Variants in SGPL1 observed in about 807,000 individuals in gnomAD.
SGPL1 encodes sphingosine-1-phosphate lyase 1.
A neutral mutation model predicts 68.9 loss-of-function variants in SGPL1; 37 were observed. The observed-to-expected ratio is 0.54, with a 90% CI of 0.41 to 0.71. The LOEUF is 0.71. Ranked by LOEUF, SGPL1 falls within the 30% of genes least tolerant of loss-of-function variation. SGPL1 has a pLI of 0.00. For synonymous variants in SGPL1, 236 were observed against 248.5 expected (o/e 0.95, Z 0.47); for missense variants, 551 against 704.6 (o/e 0.78, Z 2.47).
chr10:70,852,014 C>T (rs1191719175), intron 4 of SGPL1, among the ~76,000 whole-genome samples: 1 of 152,132 alleles, frequency 6.6e-6, no homozygotes, highest in Admixed American at 6.5e-5. Flanking sequence ...CACCTCTGTG[C>T]GTCTCCCACA....
At chr10:70,851,025 A>G in intron 3 of SGPL1, 118 bp from the exon 4 acceptor site, 1 of 766,456 alleles carries the variant, frequency 1.3e-6, no homozygotes, top group South Asian at 1.7e-5. Context: ...TTTTTAAACG[A>G]AAGAAACTCT....
In SGPL1 at chr10:70,844,546, G is replaced by A; in HGVS notation, c.101G>A (p.Cys34Tyr). The A allele has an allele frequency of 1.2e-6, 2 of 1,614,082 alleles. No individual in the cohort carries two copies. The highest frequency in any genetic ancestry group is 1.7e-6 in the Non-Finnish European group (2 of 1,179,966). ...GCCAAGAATTATGTAAATGGACATTGCACCAAGTATGAGCCCTGGCAGCTA... is the reference window on the plus strand; with the variant it reads ...GCCAAGAATTATGTAAATGGACATTACACCAAGTATGAGCCCTGGCAGCTA... ...TKAKNYVNGH[C>Y]TKYEPWQLIA... The change falls in exon 3 of 15, where the codon TGC becomes TAC. Residue 34 changes from cysteine to tyrosine, a missense_variant. Transcript: ENST00000373202.
At chr10:70,825,917 C>T (rs1385666077) in intron 2 of SGPL1, among the ~76,000 whole-genome samples, 1 of 152,184 alleles carries the variant, frequency 6.6e-6, no homozygotes, top group Non-Finnish European at 1.5e-5. Flanking sequence ...CGCGGTGGCT[C>T]ACGCCTGTAA....
Position 70,844,730 on chromosome 10 carries a change from G to A in SGPL1, c.193+92G>A, listed in dbSNP as rs114988069. On this transcript the variant is annotated intron_variant, in intron 3 of 14. Coordinates refer to ENST00000373202, the MANE Select transcript of SGPL1 (RefSeq NM_003901.4). ...GATAGGACTAATTTATTGCCTTTTGGTTGTTTTTTTGTTTGTTTGTTTGTT... is the reference window on the plus strand; with the variant it reads ...GATAGGACTAATTTATTGCCTTTTGATTGTTTTTTTGTTTGTTTGTTTGTT... The A allele has an allele frequency of 6.1e-3, 7,672 of 1,267,818 alleles. 183 individuals carry two copies. Among genetic ancestry groups the A allele is most frequent in the African/African-American group, 0.056 (3,755 of 67,152 alleles). 78.5% of individuals were successfully genotyped at this position (1,267,818 alleles called of 1,614,324 possible). A position where few individuals can be genotyped will look rare whatever the true frequency, so the allele number is the denominator to read the frequency against.
intron 11 of SGPL1, among the ~76,000 whole-genome samples, chr10:70,872,771 G>A (rs867935972): frequency 6.6e-6 from 1 of 152,234 alleles, no homozygotes; most frequent in Middle Eastern, 3.4e-3. Context: ...GATGGTTCAG[G>A]TAATGAAATT....
intron 7 of SGPL1, 180 bp downstream of exon 7, chr10:70,859,679 G>T: frequency 5.0e-6 from 1 of 198,540 alleles, no homozygotes. Flanking sequence ...GATCATTGTA[G>T]AAAGATCCTA....
chr10:70,869,279 T>C (rs1441608530), intron 8 of SGPL1: 1 of 152,394 alleles, frequency 6.6e-6, no homozygotes, highest in African/African-American at 2.4e-5. Context: ...TTTCCAAATG[T>C]GTAGGAGAAA....
intron 2 of SGPL1, among the ~76,000 whole-genome samples, chr10:70,843,774 C>T (rs1485612107): frequency 6.6e-6 from 1 of 152,168 alleles, no homozygotes; most frequent in Non-Finnish European, 1.5e-5. Flanking sequence ...AAATTGTGGC[C>T]TGCAAGCCAA....
intron 7 of SGPL1, among the ~76,000 whole-genome samples, chr10:70,862,987 TTTA>T (rs1299628061): frequency 6.6e-6 from 1 of 152,112 alleles, no homozygotes; most frequent in Non-Finnish European, 1.5e-5. Flanking sequence ...CTCCTTTTAT[TTTA>T]TTATTATTTT....
In SGPL1 at chr10:70,875,525, G is replaced by C. The variant is rs151062610; in HGVS notation, c.1422G>C (p.Leu474Phe). 450 of 1,611,408 alleles carry C rather than the reference G, an allele frequency of 2.8e-4. 1 individual carries two copies. The highest frequency in any genetic ancestry group is 3.7e-4 in the Non-Finnish European group (439 of 1,178,674). The change falls in exon 13 of 15, where the codon TTG (leucine) becomes TTC (phenylalanine). Residue 474 changes from leucine (L) to phenylalanine (F), a missense_variant. Leu to Phe is a conservative substitution (Grantham distance 22). Transcript: ENST00000373202. ...TGATGACTGCTAAGGGGTGGAACTT[G>C]AACCAGTTGCAGTTCCCACCCAGGT... ...SNLMTAKGWN[L>F]NQLQFPPSIH... is the part of the protein sequence containing the mutation.
intron 2 of SGPL1, among the ~76,000 whole-genome samples, chr10:70,840,706 A>C (rs1481502059): frequency 6.6e-6 from 1 of 152,208 alleles, no homozygotes; most frequent in African/African-American, 2.4e-5. Context: ...ACCTCCTTTG[A>C]ATTTAAGAAT....
Position 70,816,533 on chromosome 10 carries a change from G to C in SGPL1, c.-43-278G>C, listed in dbSNP as rs1308953813. 2.0e-5 allele frequency among the ~76,000 whole-genome samples: 3 copies of C among 152,186 alleles called. No individual in the cohort carries two copies. The East Asian group carries it at 5.8e-4, about 29-fold the overall frequency. ...GGGCTGGGCTCCCCACCCCGATCGCGCGCAGACGGGGCGTTTCCCCTAGTT... is the reference window on the plus strand; with the variant it reads ...GGGCTGGGCTCCCCACCCCGATCGCCCGCAGACGGGGCGTTTCCCCTAGTT... On this transcript the variant is annotated intron_variant, in intron 1 of 14. Transcript: ENST00000373202.
At chr10:70,873,208 G>A (rs1846324031) in intron 11 of SGPL1, 143 bp from the exon 12 acceptor site, 5 of 692,754 alleles carry the variant, frequency 7.2e-6, no homozygotes, top group Admixed American at 7.2e-5. Context: ...AGCATTTTAA[G>A]TTTGAATCCT....
At chr10:70,833,551 A>G (rs1304204194) in intron 2 of SGPL1, among the ~76,000 whole-genome samples, 1 of 152,230 alleles carries the variant, frequency 6.6e-6, no homozygotes, top group Non-Finnish European at 1.5e-5. Context: ...TTTGGAGGCT[A>G]TAAAGACAAT....
intron 14 of SGPL1, 44 bp from the exon 15 acceptor site, chr10:70,877,151 T>C: frequency 6.2e-7 from 1 of 1,605,652 alleles, no homozygotes; most frequent in Non-Finnish European, 8.5e-7. Flanking sequence ...TTCTTGCTTT[T>C]GGACCTGGCC....
At chr10:70,869,747 T>C (rs1846258448) in intron 8 of SGPL1, 45 bp from the exon 9 acceptor site, 1 of 1,418,922 alleles carries the variant, frequency 7.0e-7, no homozygotes, top group African/African-American at 1.4e-5. Context: ...TGTTTTCTAT[T>C]ATTTTGGCCT....
chr10:70,862,232 CCT>C (rs1025573929), intron 7 of SGPL1, among the ~76,000 whole-genome samples: 1 of 152,176 alleles, frequency 6.6e-6, no homozygotes, highest in African/African-American at 2.4e-5. Flanking sequence ...CAATCAGCAC[CCT>C]GTGTCTAGCT....
At chr10:70,838,783 G>C (rs1330348206) in intron 2 of SGPL1, among the ~76,000 whole-genome samples, 1 of 152,182 alleles carries the variant, frequency 6.6e-6, no homozygotes, top group Non-Finnish European at 1.5e-5. Context: ...TACATTACAA[G>C]TAATAAGGTG....
intron 7 of SGPL1, 118 bp downstream of exon 7, chr10:70,859,617 A>C (rs1013132651): frequency 9.4e-6 from 4 of 425,030 alleles, no homozygotes; most frequent in African/African-American, 8.6e-5. Context: ...TTTACTACAC[A>C]AGAAATATTT....
Sources: gnomAD v4.1 joint callset for allele counts (sites outside exome capture counted in the v4.1 genomes callset) on GRCh38, gnomAD v4.1.1 for gene constraint, MANE v1.5 for transcripts, NCBI Gene and HGNC (gene_info 2026-07-23, HGNC 2026-07-21) for gene names.